Variants in SHISA6 observed in about 807,000 individuals in gnomAD.
SHISA6 encodes the protein shisa family member 6, also known as protein shisa-6.
A neutral mutation model predicts 47.9 loss-of-function variants in SHISA6; 22 were observed. That is an observed-to-expected ratio of 0.46 (90% CI 0.33 to 0.66). SHISA6 has a LOEUF of 0.66. Ranked by LOEUF, SHISA6 falls within the 30% of genes least tolerant of loss-of-function variation. The pLI, the probability that SHISA6 is intolerant of heterozygous loss-of-function variation, is 0.02. For missense variants in SHISA6, 680 were observed against 764.6 expected (o/e 0.89, Z 1.30); for synonymous variants, 388 against 337.8 (o/e 1.15, Z -1.63).
intron 1 of SHISA6, among the ~76,000 whole-genome samples, chr17:11,259,331 C>T (rs1427708227): frequency 2.6e-5 from 4 of 152,098 alleles, no homozygotes; most frequent in Non-Finnish European, 5.9e-5. Flanking sequence ...TTCTTAACAA[C>T]GAAATAGGGC....
chr17:11,530,494 A>G (rs891662632), intron 3 of SHISA6, among the ~76,000 whole-genome samples: 2 of 152,224 alleles, frequency 1.3e-5, no homozygotes, highest in Admixed American at 1.3e-4. Flanking sequence ...CAACAATTAT[A>G]CATGTTAACT....
intron 3 of SHISA6, among the ~76,000 whole-genome samples, chr17:11,544,854 G>A (rs1351334342): frequency 2.6e-5 from 4 of 151,438 alleles, no homozygotes; most frequent in African/African-American, 9.7e-5. Context: ...CCAGCCACTC[G>A]GGAGGCTGAG....
chr17:11,493,274 C>A (rs2071381092), intron 3 of SHISA6, among the ~76,000 whole-genome samples: 1 of 152,006 alleles, frequency 6.6e-6, no homozygotes, highest in African/African-American at 2.4e-5. Context: ...GTCACCCAGG[C>A]TGGAGTGCAG....
At chr17:11,351,937 G>A (rs1513750) in intron 2 of SHISA6, among the ~76,000 whole-genome samples, 98,270 of 152,046 alleles carry the variant, frequency 0.65, 32,320 homozygotes, top group South Asian at 0.8. Flanking sequence ...TGGGGAGAAA[G>A]TAGGTAAGTA....
intron 3 of SHISA6, among the ~76,000 whole-genome samples, chr17:11,409,868 T>C (rs1235557816): frequency 4.6e-5 from 7 of 152,194 alleles, no homozygotes; most frequent in Admixed American, 4.6e-4. Flanking sequence ...AAAATTTACC[T>C]GGTGAGACCA....
intron 3 of SHISA6, among the ~76,000 whole-genome samples, chr17:11,446,043 G>A (rs1278606012): frequency 6.6e-6 from 1 of 152,254 alleles, no homozygotes; most frequent in East Asian, 1.9e-4. Context: ...GGTCAGGCTG[G>A]TCTTGAACTC....
intron 3 of SHISA6, among the ~76,000 whole-genome samples, chr17:11,497,963 C>T (rs1256741697): frequency 2.0e-5 from 3 of 152,214 alleles, no homozygotes. Flanking sequence ...GTATTGGGTT[C>T]TCTTTCTTTA....
At chr17:11,309,807 T>A (rs1910253212) in intron 2 of SHISA6, among the ~76,000 whole-genome samples, 1 of 152,234 alleles carries the variant, frequency 6.6e-6, no homozygotes, top group Non-Finnish European at 1.5e-5. Flanking sequence ...ACAGAGAGAT[T>A]TCTGTGCTTT....
Position 11,241,682 on chromosome 17 carries a change from C to T in SHISA6, c.260C>T (p.Ala87Val). The change falls in exon 1 of 6, where the codon GCG becomes GTG. Residue 87 changes from alanine to valine, a missense_variant. This residue lies in a region of SHISA6 where 559 missense variants were observed against 674.1 expected (regional missense o/e 0.83). Coordinates refer to ENST00000441885, the MANE Select transcript of SHISA6 (RefSeq NM_207386.4). This position sits in a 1 kb window ranked among gnomAD's most constrained non-coding sequence, Gnocchi z 5.5. ...PAAAVAAAASAAVTYETCWGY... is the reference protein window; with the variant it reads ...PAAAVAAAASVAVTYETCWGY... ...GCGGCTGTGGCGGCGGCGGCCAGCG[C>T]GGCCGTCACCTACGAGACGTGCTGG... 1.3e-6 allele frequency: 2 copies of T among 1,491,546 alleles called. No individual in the cohort carries two copies. Among genetic ancestry groups the T allele is most frequent in the Non-Finnish European group, 8.9e-7 (1 of 1,126,128 alleles). The allele number at this position is 1,491,546 out of a possible 1,614,324, so 92.4% of individuals were successfully genotyped here. A position where few individuals can be genotyped will look rare whatever the true frequency, so the allele number is the denominator to read the frequency against.
chr17:11,371,780 T>C (rs1912638168), intron 2 of SHISA6, among the ~76,000 whole-genome samples: 1 of 152,026 alleles, frequency 6.6e-6, no homozygotes, highest in Admixed American at 6.5e-5. Flanking sequence ...TAATCCCAGA[T>C]AAACTCTAAA....
At chr17:11,429,650 G>A (rs1415189652) in intron 3 of SHISA6, among the ~76,000 whole-genome samples, 1 of 151,180 alleles carries the variant, frequency 6.6e-6, no homozygotes, top group Non-Finnish European at 1.5e-5. Context: ...AATTAGCCAG[G>A]CATGGTGGCG....
intron 2 of SHISA6, chr17:11,289,064 TTATTA>T (rs1909428434): frequency 6.6e-6 from 1 of 152,180 alleles, no homozygotes; most frequent in African/African-American, 2.4e-5. Flanking sequence ...GTTTTTGTTA[TTATTA>T]TATTTTTGTC....
intron 3 of SHISA6, among the ~76,000 whole-genome samples, chr17:11,398,636 A>G (rs1913658688): frequency 6.6e-6 from 1 of 151,604 alleles, no homozygotes; most frequent in Non-Finnish European, 1.5e-5. Context: ...CTCTGTTGCC[A>G]GGCTGGAGTA....
At chr17:11,452,231 T>C (rs1351190486) in intron 3 of SHISA6, among the ~76,000 whole-genome samples, 2 of 152,364 alleles carry the variant, frequency 1.3e-5, no homozygotes, top group East Asian at 1.9e-4. Context: ...CTGTTGCATG[T>C]CCTCTCAGTA....
At chr17:11,309,522 C>CT (rs1910245801) in intron 2 of SHISA6, among the ~76,000 whole-genome samples, 1 of 152,110 alleles carries the variant, frequency 6.6e-6, no homozygotes, top group African/African-American at 2.4e-5. Flanking sequence ...CCTGCTTTTC[C>CT]TTTTTTGTTC....
intron 2 of SHISA6, among the ~76,000 whole-genome samples, chr17:11,348,029 T>G (rs182152985): frequency 1.3e-5 from 2 of 152,208 alleles, no homozygotes; most frequent in Admixed American, 6.5e-5. Context: ...CATAAGAAGA[T>G]GCAAAATTCT....
At chr17:11,316,593 T>C (rs1205278963) in intron 2 of SHISA6, among the ~76,000 whole-genome samples, 2 of 151,840 alleles carry the variant, frequency 1.3e-5, no homozygotes, top group African/African-American at 4.8e-5. Flanking sequence ...GCTAATTTTT[T>C]GTATTTTTAC....
intron 2 of SHISA6, among the ~76,000 whole-genome samples, chr17:11,356,723 G>C (rs546676560): frequency 6.6e-6 from 1 of 152,128 alleles, no homozygotes; most frequent in African/African-American, 2.4e-5. Context: ...ATAACCAGGG[G>C]CCTGTGGTAT....
intron 3 of SHISA6, among the ~76,000 whole-genome samples, chr17:11,388,374 A>C (rs1216499298): frequency 1.3e-5 from 2 of 151,970 alleles, no homozygotes; most frequent in Non-Finnish European, 2.9e-5. Flanking sequence ...AGGTGAAGGG[A>C]GGATGGGTAG....
Sources: allele counts gnomAD v4.1 joint callset (sites outside exome capture counted in the v4.1 genomes callset), GRCh38; gene constraint gnomAD v4.1.1; regional missense constraint gnomAD v4.1.1; non-coding constraint Gnocchi (gnomAD v3.1); transcripts MANE v1.5; gene names NCBI Gene and HGNC (gene_info 2026-07-23, HGNC 2026-07-21).